The following TTC6 variants were observed in gnomAD, a reference collection of about 807,000 sequenced individuals.
TTC6 encodes the protein tetratricopeptide repeat domain 6.
In TTC6, 172 loss-of-function variants were observed where a neutral mutation model predicts 210.4. The ratio of observed to expected loss-of-function variants is 0.82; its 90% CI spans 0.72 to 0.93. TTC6 has a LOEUF of 0.93. TTC6 is among the 40% of genes least tolerant of loss of function. TTC6 has a pLI of 0.00. For synonymous variants in TTC6, 804 were observed against 819.6 expected (o/e 0.98, Z 0.32); for missense variants, 2,414 against 2,318.1 (o/e 1.04, Z -0.85).
At chr14:37,695,872 G>A (rs2138647945) in intron 3 of TTC6, among the ~76,000 whole-genome samples, 1 of 152,090 alleles carries the variant, frequency 6.6e-6, no homozygotes, top group South Asian at 2.1e-4. Context: ...GATTTGATTA[G>A]TCAGATCTCA....
chr14:37,599,537 C>G (rs187827296), intron 1 of TTC6, among the ~76,000 whole-genome samples: 125 of 152,298 alleles, frequency 8.2e-4, no homozygotes, highest in African/African-American at 2.9e-3. Context: ...TTCCCCTACT[C>G]CTGCCTGAGC....
intron 14 of TTC6, among the ~76,000 whole-genome samples, chr14:37,780,736 C>T (rs1595251863): frequency 6.6e-6 from 1 of 152,272 alleles, no homozygotes. Context: ...CCCGTCAACC[C>T]ATCACCTACA....
intron 14 of TTC6, among the ~76,000 whole-genome samples, chr14:37,786,608 C>G (rs1486853105): frequency 6.6e-6 from 1 of 152,220 alleles, no homozygotes; most frequent in Non-Finnish European, 1.5e-5. Context: ...CTTTGGCTCA[C>G]TGTCCGTGGG....
At chr14:37,758,477 A>C (rs566421948) in intron 14 of TTC6, among the ~76,000 whole-genome samples, 19 of 152,176 alleles carry the variant, frequency 1.2e-4, no homozygotes, top group Admixed American at 3.3e-4. Context: ...GTTTATTTAA[A>C]GTCTGTTTTA....
rs568171069 is a variant in TTC6, at chr14:37,696,634, T to G, written c.1258-83T>G. The G allele has an allele frequency of 1.1e-5, 6 of 563,802 alleles. No homozygotes were observed. The East Asian group carries it at 2.0e-4, about 19-fold the overall frequency. 34.9% of individuals were successfully genotyped at this position (563,802 alleles called of 1,614,324 possible). A position where few individuals can be genotyped will look rare whatever the true frequency, so the allele number is the denominator to read the frequency against. On this transcript the variant is annotated intron_variant, in intron 3 of 30. Transcript: ENST00000553443. The stretch of plus-strand genomic sequence containing the variant: ...ACATAGAAATCTGGAGTTTAAATAT[T>G]AGGTGACTCGCTAAATATGAGAGAA...
rs557313863 is a variant in TTC6 at position 37,631,366 on chromosome 14, T to A, written c.939+8363T>A. Among the ~76,000 whole-genome samples the A allele has an allele frequency of 2.6e-5, 4 of 152,264 alleles. No homozygotes were observed. In the South Asian group the frequency reaches 8.3e-4, roughly 32 times the overall value. On this transcript the variant is annotated intron_variant, in intron 1 of 30. Coordinates refer to ENST00000553443, the Ensembl canonical transcript of TTC6. ...TAAAGGATTTTATTTCTCCTTCACT[T>A]ATGAAGCTTAGTTTGGCTGGATATG... is the stretch of plus-strand genomic sequence containing the variant.
intron 29 of TTC6, among the ~76,000 whole-genome samples, chr14:37,836,356 A>G (rs1177746163): frequency 6.6e-6 from 1 of 152,154 alleles, no homozygotes; most frequent in Non-Finnish European, 1.5e-5. Context: ...GTTTATGTGC[A>G]TTGTAGTTAG....
At chr14:37,671,697 T>C (rs1363580748) in intron 1 of TTC6, among the ~76,000 whole-genome samples, 1 of 152,110 alleles carries the variant, frequency 6.6e-6, no homozygotes, top group Non-Finnish European at 1.5e-5. Context: ...CTCAGTGATA[T>C]GATTTGGCTC....
chr14:37,622,849 C>T, exon 1 of TTC6: 2 of 1,534,356 alleles, frequency 1.3e-6, no homozygotes, highest in South Asian at 2.4e-5. Context: ...GCGCGGGAGG[C>T]CGCCTGGCAG....
At chr14:37,615,459 G>A (rs982009216) in intron 2 of TTC6, among the ~76,000 whole-genome samples, 3 of 151,850 alleles carry the variant, frequency 2.0e-5, no homozygotes, top group Non-Finnish European at 4.4e-5. Flanking sequence ...ATCCTTACAG[G>A]GATATCAGGC....
intron 1 of TTC6, among the ~76,000 whole-genome samples, chr14:37,670,057 C>T (rs1231002470): frequency 3.3e-5 from 5 of 152,164 alleles, no homozygotes; most frequent in Admixed American, 3.3e-4. Context: ...ATGAATCAAT[C>T]ACTCTTCATC....
chr14:37,733,207 C>T (rs12882687), intron 7 of TTC6, among the ~76,000 whole-genome samples: 6,763 of 152,206 alleles, frequency 0.044, 226 homozygotes, highest in Non-Finnish European at 0.07. Flanking sequence ...TCTTGACTTA[C>T]GCTTTTACTT....
intron 15 of TTC6, among the ~76,000 whole-genome samples, chr14:37,790,413 A>T (rs1471516319): frequency 6.6e-6 from 1 of 151,890 alleles, no homozygotes; most frequent in Non-Finnish European, 1.5e-5. Flanking sequence ...CAATGTACTT[A>T]CCCCCTTTGG....
At chr14:37,842,257 C>T in exon 31 of TTC6, 1 of 1,607,016 alleles carries the variant, frequency 6.2e-7, no homozygotes, top group Admixed American at 1.7e-5. Flanking sequence ...TATAACCAAG[C>T]ACTTGATCTT....
intron 14 of TTC6, 87 bp downstream of exon 16, chr14:37,753,322 G>C (rs2095958092): frequency 9.7e-6 from 11 of 1,135,958 alleles, no homozygotes; most frequent in Non-Finnish European, 1.3e-5. Context: ...AAATACATCA[G>C]ACAGCTCTTT....
chr14:37,692,934 T>C (rs759255322), intron 3 of TTC6, among the ~76,000 whole-genome samples: 9 of 152,008 alleles, frequency 5.9e-5, no homozygotes, highest in Non-Finnish European at 8.8e-5. Context: ...GACTCACAGC[T>C]AGTATCATAC....
intron 7 of TTC6, among the ~76,000 whole-genome samples, chr14:37,726,004 A>G (rs2095872385): frequency 6.6e-6 from 1 of 152,140 alleles, no homozygotes; most frequent in East Asian, 1.9e-4. Context: ...CTTCTCCCAC[A>G]GAGAATTGCT....
chr14:37,773,377 A>AT (rs2096026614), intron 14 of TTC6, among the ~76,000 whole-genome samples: 1 of 152,120 alleles, frequency 6.6e-6, no homozygotes, highest in African/African-American at 2.4e-5. Flanking sequence ...CTAGGTTATC[A>AT]TGCAGAGGTT....
intron 3 of TTC6, among the ~76,000 whole-genome samples, chr14:37,689,584 A>G (rs1566889599): frequency 6.6e-6 from 1 of 152,162 alleles, no homozygotes; most frequent in African/African-American, 2.4e-5. Context: ...GAGAAAAGAA[A>G]CAACATACAA....
Sources: gnomAD v4.1 joint callset for allele counts (sites outside exome capture counted in the v4.1 genomes callset) on GRCh38, gnomAD v4.1.1 for gene constraint, MANE v1.5 for transcripts, NCBI Gene and HGNC (gene_info 2026-07-23, HGNC 2026-07-21) for gene names.